Variants in STK32B observed in about 807,000 individuals in gnomAD.
The protein encoded by STK32B is serine/threonine-protein kinase 32B.
In STK32B, 43 loss-of-function variants were observed where a neutral mutation model predicts 52.6. The observed-to-expected ratio is 0.82, with a 90% CI of 0.64 to 1.05. The LOEUF (loss-of-function observed/expected upper bound fraction) is 1.05, where lower values mean the gene tolerates loss of function less well. STK32B is among the 50% of genes least tolerant of loss of function. STK32B has a pLI of 0.00. For synonymous variants in STK32B, 238 were observed against 204.3 expected, an observed-to-expected ratio of 1.17 and a Z score of -1.41; for missense variants, 621 against 534.6, an observed-to-expected ratio of 1.16 and a Z score of -1.59.
chr4:5,294,672 A>C (rs1577305488), intron 3 of STK32B, among the ~76,000 whole-genome samples: 2 of 151,960 alleles, frequency 1.3e-5, no homozygotes, highest in South Asian at 4.1e-4. Flanking sequence ...GAGTTTTTGG[A>C]CTGAGACGAT....
At chr4:5,130,689 G>A (rs1335254713) in intron 1 of STK32B, among the ~76,000 whole-genome samples, 2 of 152,054 alleles carry the variant, frequency 1.3e-5, no homozygotes, top group Admixed American at 6.6e-5. Context: ...AGGTGAGGCC[G>A]CTTGAGCAAT....
chr4:5,205,695 C>T (rs895521168), intron 3 of STK32B, among the ~76,000 whole-genome samples: 3 of 60,194 alleles, frequency 5.0e-5, no homozygotes, highest in Admixed American at 2.0e-4. Flanking sequence ...CTAGACCAGG[C>T]GCGCGCGCGT....
At chr4:5,191,343 C>G (rs1161283730) in intron 3 of STK32B, among the ~76,000 whole-genome samples, 1 of 151,908 alleles carries the variant, frequency 6.6e-6, no homozygotes, top group Non-Finnish European at 1.5e-5. Context: ...CTCTGCCTCC[C>G]GGGTTCACAC....
intron 1 of STK32B, among the ~76,000 whole-genome samples, chr4:5,100,861 C>A (rs1040297782): frequency 2.9e-5 from 4 of 139,902 alleles, no homozygotes; most frequent in African/African-American, 8.0e-5. Context: ...TCTTTCTTTC[C>A]TCTCCTTCCT....
At chr4:5,463,939 G>A (rs1717230448) in intron 9 of STK32B, among the ~76,000 whole-genome samples, 1 of 152,206 alleles carries the variant, frequency 6.6e-6, no homozygotes, top group Non-Finnish European at 1.5e-5. Context: ...CTGAGGTTGG[G>A]TAATTTATAA....
rs1741878909 is a variant in STK32B at position 5,053,716 on chromosome 4, C to T, written c.52+1801C>T. ...AAGGTTATGAGGCCGGGCGCGGTGGCTCATGCCTGTAATCCCAGTACTTTG... is the reference window on the plus strand; with the variant it reads ...AAGGTTATGAGGCCGGGCGCGGTGGTTCATGCCTGTAATCCCAGTACTTTG... On this transcript the variant is annotated intron_variant, in intron 1 of 11. Transcript: ENST00000282908. Among the ~76,000 whole-genome samples the T allele has an allele frequency of 2.6e-5, 4 of 152,270 alleles. No homozygotes were observed. In the South Asian group the frequency reaches 8.3e-4, roughly 32 times the overall value.
intron 3 of STK32B, among the ~76,000 whole-genome samples, chr4:5,253,189 T>C (rs777823328): frequency 1.3e-5 from 2 of 152,060 alleles, no homozygotes; most frequent in Non-Finnish European, 2.9e-5. Flanking sequence ...GCTTCCTGAG[T>C]AGAGCTTACA....
chr4:5,045,793 A>G, the STK32B span, among the ~76,000 whole-genome samples: 1 of 152,090 alleles, frequency 6.6e-6, no homozygotes, highest in Non-Finnish European at 1.5e-5. Flanking sequence ...TTATCAGCTT[A>G]AGGAGTTTTG....
intron 6 of STK32B, among the ~76,000 whole-genome samples, chr4:5,439,516 T>C (rs1374189830): frequency 1.3e-5 from 2 of 151,786 alleles, no homozygotes; most frequent in Non-Finnish European, 2.9e-5. Context: ...CTTTGTCAGA[T>C]GAGTAGGTTG....
chr4:5,031,805 A>T, the STK32B span, among the ~76,000 whole-genome samples: 1 of 152,142 alleles, frequency 6.6e-6, no homozygotes, highest in Non-Finnish European at 1.5e-5. Context: ...CCACGGCCTC[A>T]GTCCCCTCCT....
intron 3 of STK32B, among the ~76,000 whole-genome samples, chr4:5,172,703 C>T (rs1441593536): frequency 3.3e-5 from 5 of 152,158 alleles, no homozygotes; most frequent in African/African-American, 1.2e-4. Context: ...CTGCTGGATT[C>T]GGTTTGCCAG....
intron 1 of STK32B, among the ~76,000 whole-genome samples, chr4:5,094,818 C>G (rs939030557): frequency 1.3e-5 from 2 of 152,044 alleles, no homozygotes; most frequent in African/African-American, 4.8e-5. Context: ...GAGTCGGCGC[C>G]CCTAACTCCC....
rs148124898 is a variant in STK32B, at chr4:5,498,997, G to A, written c.1159G>A (p.Gly387Arg). Residue 387 changes from glycine to arginine, a missense_variant, in exon 12 of 12, where the codon GGG becomes AGG. Physicochemically the swap from Gly to Arg is moderately radical, Grantham distance 125. Coordinates refer to ENST00000282908, the MANE Select transcript of STK32B (RefSeq NM_018401.3). ...CCAGCTCTTGGACACCGACAGCCGA[G>A]GGGGAGGCCAGGCCCAAAGCAAGCT... ...GSQLLDTDSR[G>R]GGQAQSKLQD... is the part of the protein sequence containing the mutation. 2.6e-5 allele frequency: 42 copies of A among 1,613,628 alleles called. No homozygotes were observed. The highest frequency in any genetic ancestry group is 1.3e-4 in the Admixed American group (8 of 59,958).
At chr4:5,438,829 A>G (rs908863475) in intron 6 of STK32B, among the ~76,000 whole-genome samples, 1 of 151,878 alleles carries the variant, frequency 6.6e-6, no homozygotes, top group East Asian at 1.9e-4. Flanking sequence ...TTCAATTCCC[A>G]CCTATGAGTG....
intron 3 of STK32B, among the ~76,000 whole-genome samples, chr4:5,296,098 T>C (rs182026536): frequency 3.9e-5 from 6 of 152,278 alleles, no homozygotes; most frequent in Non-Finnish European, 1.5e-5. Context: ...TAATCTGGAG[T>C]TCTAATTTGA....
At chr4:5,162,472 T>C (rs2108727697) in intron 2 of STK32B, among the ~76,000 whole-genome samples, 1 of 152,318 alleles carries the variant, frequency 6.6e-6, no homozygotes, top group Non-Finnish European at 1.5e-5. Flanking sequence ...TCCAGCCACC[T>C]TCTCCACTGA....
rs182903417 is a variant in STK32B at position 5,136,091 on chromosome 4, C to G, written c.53-3814C>G. ...ACAAGGTTCCAGGTGATTCTGAAAA[C>G]GCCACTGGATTTGATCAATTATGAC... is the stretch of plus-strand genomic sequence containing the variant. On this transcript the variant is annotated intron_variant, in intron 1 of 11. Transcript: ENST00000282908. Among the ~76,000 whole-genome samples, 3 of 152,160 alleles carry G rather than the reference C, an allele frequency of 2.0e-5. No homozygotes were observed. In the South Asian group the frequency reaches 6.2e-4, roughly 32 times the overall value.
chr4:5,026,164 G>A, the STK32B span, among the ~76,000 whole-genome samples: 2 of 152,312 alleles, frequency 1.3e-5, no homozygotes, highest in East Asian at 3.9e-4. Flanking sequence ...CAGGATCTGA[G>A]ACTTTTAAAA....
chr4:5,445,959 G>GAC (rs1715372657), intron 6 of STK32B, among the ~76,000 whole-genome samples: 1 of 150,690 alleles, frequency 6.6e-6, no homozygotes, highest in Non-Finnish European at 1.5e-5. Flanking sequence ...CAGGCACAGA[G>GAC]CTCTAAGTGT....
Sources: allele counts gnomAD v4.1 joint callset (sites outside exome capture counted in the v4.1 genomes callset), GRCh38; gene constraint gnomAD v4.1.1; transcripts MANE v1.5; gene names NCBI Gene and HGNC (gene_info 2026-07-23, HGNC 2026-07-21).